Variants in ERG observed in about 807,000 individuals in gnomAD.
ERG encodes transcriptional regulator ERG.
A neutral mutation model predicts 55.3 loss-of-function variants in ERG; 9 were observed. The ratio of observed to expected loss-of-function variants is 0.16; its 90% CI spans 0.10 to 0.28. The LOEUF (loss-of-function observed/expected upper bound fraction) is 0.28. ERG is among the 10% of genes least tolerant of loss of function. The pLI is 1.00. For missense variants in ERG, 434 were observed against 631.6 expected (o/e 0.69, Z 3.35); for synonymous variants, 223 against 237.3 (o/e 0.94, Z 0.55).
chr21:38,429,163 C>T (rs1013939278), intron 2 of ERG, among the ~76,000 whole-genome samples: 2 of 152,036 alleles, frequency 1.3e-5, no homozygotes, highest in African/African-American at 2.4e-5. Flanking sequence ...TGAGTTACTT[C>T]GGTTAGAATA....
At chr21:38,599,773 C>T (rs543545208) in intron 1 of ERG, among the ~76,000 whole-genome samples, 3 of 152,178 alleles carry the variant, frequency 2.0e-5, no homozygotes, top group South Asian at 2.1e-4. Flanking sequence ...AAGTCTGGTG[C>T]CTGAGGAGAC....
chr21:38,652,920 C>T (rs1489247611), intron 1 of ERG, among the ~76,000 whole-genome samples: 2 of 152,186 alleles, frequency 1.3e-5, no homozygotes. Flanking sequence ...CATTCACCCC[C>T]GTTCTAGATT....
At position 38,382,229 on chromosome 21, in the gene ERG, T is replaced by C. The variant is rs962351840; in HGVS notation, c.*1174A>G. 4 of 1,048,146 alleles carry C rather than the reference T, an allele frequency of 3.8e-6. No individual in the cohort carries two copies. In the African/African-American group the frequency reaches 6.7e-5, roughly 17 times the overall value. The allele number at this position is 1,048,146 out of a possible 1,614,324, so 64.9% of individuals were successfully genotyped here. ...ATGCATAAGTTATATAATTATTATATAAAAAGGGGGAAAAACATTGACTTG... is the reference window on the plus strand; with the variant it reads ...ATGCATAAGTTATATAATTATTATACAAAAAGGGGGAAAAACATTGACTTG... On this transcript the variant is annotated 3_prime_UTR_variant, in exon 10 of 10. Transcript: ENST00000288319.
chr21:38,536,043 A>T (rs540558232), intron 2 of ERG, among the ~76,000 whole-genome samples: 7 of 152,244 alleles, frequency 4.6e-5, no homozygotes, highest in African/African-American at 1.7e-4. Flanking sequence ...ATCTGACGGC[A>T]AGTGTTATGT....
chr21:38,368,345 T>C, the ERG span, among the ~76,000 whole-genome samples: 1 of 152,136 alleles, frequency 6.6e-6, no homozygotes, highest in South Asian at 2.1e-4. Flanking sequence ...ATATCATATA[T>C]GTTGTCCTGC....
intron 2 of ERG, among the ~76,000 whole-genome samples, chr21:38,433,530 T>C (rs1418277547): frequency 6.6e-6 from 1 of 152,178 alleles, no homozygotes; most frequent in Non-Finnish European, 1.5e-5. Context: ...AAACTTGGCA[T>C]CTGACTTTGG....
intron 1 of ERG, among the ~76,000 whole-genome samples, chr21:38,456,104 T>C (rs2058987252): frequency 6.6e-6 from 1 of 152,232 alleles, no homozygotes; most frequent in Non-Finnish European, 1.5e-5. Context: ...TTTGTTTAAC[T>C]AGTAACATCC....
intron 1 of ERG, among the ~76,000 whole-genome samples, chr21:38,481,732 G>C (rs2059240230): frequency 6.6e-6 from 1 of 152,106 alleles, no homozygotes; most frequent in African/African-American, 2.4e-5. Flanking sequence ...TGATTCCAAT[G>C]AATACAGAAA....
At chr21:38,451,142 G>T in intron 1 of ERG, 1 of 488,414 alleles carries the variant, frequency 2.0e-6, no homozygotes, top group Admixed American at 2.1e-5. Flanking sequence ...GAGAGAGGCT[G>T]GTAGAGGGAA....
In ERG at chr21:38,473,785, A is replaced by AAT. The variant is rs949937799; in HGVS notation, c.18+24576_18+24577dup. On this transcript the variant is annotated intron_variant, in intron 1 of 9. Transcript: ENST00000288319. Reference sequence around the variant, plus strand: ...GTGATTTTGGATCTAAACAGGCATAAATATATATATGTGTGTGTGTGTGTA... The same window carrying AAT: ...GTGATTTTGGATCTAAACAGGCATAAATATATATATATGTGTGTGTGTGTGTA... Among the ~76,000 whole-genome samples the AAT allele has an allele frequency of 4.9e-4, 56 of 115,136 alleles. 1 individual carries two copies. Among genetic ancestry groups the AAT allele is most frequent in the African/African-American group, 1.4e-3 (52 of 38,090 alleles). The allele number at this position is 115,136 out of a possible 152,430, so 75.5% of individuals were successfully genotyped here. A position where few individuals can be genotyped will look rare whatever the true frequency, so the allele number is the denominator to read the frequency against.
intron 2 of ERG, among the ~76,000 whole-genome samples, chr21:38,567,273 G>A (rs1013669151): frequency 6.6e-6 from 1 of 152,178 alleles, no homozygotes; most frequent in Admixed American, 6.5e-5. Context: ...AGTCCAGCTC[G>A]AGACCACGCA....
chr21:38,383,123 T>C lies in ERG; in HGVS notation c.*280A>G. 8.5e-7 allele frequency: 1 copy of C among 1,171,688 alleles called. No individual in the cohort carries two copies. The highest frequency in any genetic ancestry group is 3.8e-5 in the East Asian group (1 of 26,282). 72.6% of individuals were successfully genotyped at this position (1,171,688 alleles called of 1,614,324 possible). On this transcript the variant is annotated 3_prime_UTR_variant, in exon 10 of 10. Coordinates refer to ENST00000288319, the MANE Select transcript of ERG (RefSeq NM_182918.4). This position sits in a 1 kb window ranked among gnomAD's most constrained non-coding sequence, Gnocchi z 5.7. Reference sequence around the variant, plus strand: ...TAAGACCACTTTCTTTGGCACTTTGTCCTTAAGACTTCATGCTTCTACATA... The same window carrying C: ...TAAGACCACTTTCTTTGGCACTTTGCCCTTAAGACTTCATGCTTCTACATA...
intron 1 of ERG, among the ~76,000 whole-genome samples, chr21:38,619,949 G>GA (rs1409897319): frequency 3.9e-5 from 6 of 152,262 alleles, no homozygotes; most frequent in African/African-American, 1.2e-4. Context: ...GTCTTTGAAT[G>GA]AATCTTGAAT....
chr21:38,611,145 G>A (rs181224377), intron 1 of ERG, among the ~76,000 whole-genome samples: 33 of 152,106 alleles, frequency 2.2e-4, no homozygotes, highest in Admixed American at 1.3e-3. Context: ...AGAATAACAC[G>A]CATGCCCTCA....
At chr21:38,548,613 AATT>A (rs2059803086) in intron 2 of ERG, among the ~76,000 whole-genome samples, 1 of 49,386 alleles carries the variant, frequency 2.0e-5, no homozygotes, top group South Asian at 1.1e-3. Flanking sequence ...ACGCCCGGCT[AATT>A]TTTTTTTTTT....
intron 2 of ERG, among the ~76,000 whole-genome samples, chr21:38,437,908 T>G (rs928293256): frequency 3.9e-5 from 6 of 152,212 alleles, no homozygotes; most frequent in African/African-American, 1.4e-4. Context: ...AAAATCTAAG[T>G]AACACTATAT....
In ERG at chr21:38,639,462, G is replaced by A. The variant is rs374548118; in HGVS notation, c.-150+22196C>T. Among the ~76,000 whole-genome samples the A allele has an allele frequency of 9.9e-5, 15 of 151,610 alleles. No homozygotes were observed. In the East Asian group the frequency reaches 2.7e-3, roughly 27 times the overall value. ...GATGCCTTGAATAAAAAGGATCAGAGAGGAGGTTCAACATCTAAATAACAA... is the reference window on the plus strand; with the variant it reads ...GATGCCTTGAATAAAAAGGATCAGAAAGGAGGTTCAACATCTAAATAACAA... On this transcript the variant is annotated intron_variant, in intron 1 of 10. Coordinates refer to the ERG transcript ENST00000398910.
chr21:38,505,238 G>A (rs1158726014), intron 2 of ERG, among the ~76,000 whole-genome samples: 5 of 152,190 alleles, frequency 3.3e-5, no homozygotes, highest in East Asian at 1.9e-4. Flanking sequence ...CTATACCCGT[G>A]CCTGAAGTCA....
chr21:38,393,934 T>C (rs1200684302), intron 6 of ERG, among the ~76,000 whole-genome samples: 3 of 152,210 alleles, frequency 2.0e-5, no homozygotes, highest in African/African-American at 7.2e-5. Context: ...TTTTCACATC[T>C]CTTGTGTTGG....
Sources: gnomAD v4.1 joint callset for allele counts (sites outside exome capture counted in the v4.1 genomes callset) on GRCh38, gnomAD v4.1.1 for gene constraint, Gnocchi (gnomAD v3.1) non-coding constraint, MANE v1.5 for transcripts, NCBI Gene and HGNC (gene_info 2026-07-23, HGNC 2026-07-21) for gene names.